The following DSCAML1 variants were observed in gnomAD, a reference collection of about 807,000 sequenced individuals.
DSCAML1 encodes the protein DS cell adhesion molecule like 1, also known as cell adhesion molecule DSCAML1.
A neutral mutation model predicts 200.5 loss-of-function variants in DSCAML1; 38 were observed. The observed-to-expected ratio is 0.19, with a 90% CI of 0.15 to 0.25. The LOEUF is 0.25. Among genes scored for constraint, DSCAML1 ranks in the 10% least tolerant of loss-of-function variants. The pLI is 1.00. For synonymous variants in DSCAML1, 1,215 were observed against 1,165.0 expected, an observed-to-expected ratio of 1.04 and a Z score of -0.87; for missense variants, 2,223 against 2,858.8, an observed-to-expected ratio of 0.78 and a Z score of 5.07.
intron 4 of DSCAML1, among the ~76,000 whole-genome samples, chr11:117,527,540 G>A (rs995438838): frequency 6.6e-6 from 1 of 152,234 alleles, no homozygotes. Flanking sequence ...GTATAGACTT[G>A]TGGAATTATA....
intron 3 of DSCAML1, among the ~76,000 whole-genome samples, chr11:117,601,560 T>C (rs1331900986): frequency 6.6e-6 from 1 of 152,266 alleles, no homozygotes; most frequent in East Asian, 1.9e-4. Context: ...CCGTGTTTTA[T>C]TCCTTTCACT....
intron 3 of DSCAML1, among the ~76,000 whole-genome samples, chr11:117,685,851 G>C (rs966629182): frequency 6.6e-6 from 1 of 152,154 alleles, no homozygotes; most frequent in African/African-American, 2.4e-5. Context: ...GCTAGCAGTG[G>C]TATGATGACT....
intron 3 of DSCAML1, among the ~76,000 whole-genome samples, chr11:117,646,033 G>C (rs1297443438): frequency 6.6e-6 from 1 of 152,138 alleles, no homozygotes; most frequent in African/African-American, 2.4e-5. Context: ...GATATGGTTA[G>C]CTGAATTTTT....
chr11:117,718,177 T>C (rs1432035366), intron 3 of DSCAML1, among the ~76,000 whole-genome samples: 7 of 152,214 alleles, frequency 4.6e-5, no homozygotes, highest in African/African-American at 1.7e-4. Flanking sequence ...CAGTGGGGCA[T>C]TGCCGCGCCG....
At position 117,506,547 on chromosome 11, in the gene DSCAML1, CTTTTT is replaced by C. The variant is rs5795089; in HGVS notation, c.1784-820_1784-816del. On this transcript the variant is annotated intron_variant, in intron 8 of 32. Coordinates refer to ENST00000651296, the MANE Select transcript of DSCAML1 (RefSeq NM_020693.4). ...TGCCCAGACAAGAGACAAGAGATAA[CTTTTT>C]TTTTTTTTTTTTTTTTTTTTTTGAG... Among the ~76,000 whole-genome samples, 689 of 96,846 alleles carry C rather than the reference CTTTTT, an allele frequency of 7.1e-3. 4 individuals carry two copies. Among genetic ancestry groups the C allele is most frequent in the South Asian group, 0.034 (87 of 2,542 alleles). The allele number at this position is 96,846 out of a possible 152,430, so 63.5% of individuals were successfully genotyped here. A position where few individuals can be genotyped will look rare whatever the true frequency, so the allele number is the denominator to read the frequency against.
chr11:117,684,497 C>T (rs1037974270), intron 3 of DSCAML1, among the ~76,000 whole-genome samples: 1 of 144,782 alleles, frequency 6.9e-6, no homozygotes, highest in African/African-American at 2.6e-5. Context: ...GGTGAAGACG[C>T]TAGGATATCA....
intron 3 of DSCAML1, among the ~76,000 whole-genome samples, chr11:117,583,170 A>AG (rs1406516810): frequency 1.3e-5 from 2 of 151,996 alleles, no homozygotes; most frequent in African/African-American, 4.8e-5. Context: ...GGGCCTGGAC[A>AG]GGTCTGGGAC....
At chr11:117,648,128 A>T (rs1485616584) in intron 3 of DSCAML1, among the ~76,000 whole-genome samples, 1 of 152,064 alleles carries the variant, frequency 6.6e-6, no homozygotes, top group African/African-American at 2.4e-5. Flanking sequence ...CCCTTTCTCC[A>T]CCAGCACCAT....
At chr11:117,442,821 G>T (rs1331344546) in intron 21 of DSCAML1, among the ~76,000 whole-genome samples, 1 of 152,148 alleles carries the variant, frequency 6.6e-6, no homozygotes, top group Non-Finnish European at 1.5e-5. Context: ...TGTGGAAAGA[G>T]CCCTGACTTG....
intron 31 of DSCAML1, 125 bp from the exon 32 acceptor site, chr11:117,431,158 G>T: frequency 1.1e-6 from 1 of 944,564 alleles, no homozygotes; most frequent in Non-Finnish European, 1.6e-6. Context: ...GCACCAGGCT[G>T]AGAAGATCCC....
chr11:117,663,900 C>T lies in DSCAML1; in HGVS notation c.511+112891G>A, dbSNP rs1591376023. Reference sequence around the variant, plus strand: ...TACATTATTTATAGCGTGACTGAAACATTTATTCCTCCCCTGCTCTTCCAA... The same window carrying T: ...TACATTATTTATAGCGTGACTGAAATATTTATTCCTCCCCTGCTCTTCCAA... On this transcript the variant is annotated intron_variant, in intron 3 of 32. Coordinates refer to ENST00000651296, the MANE Select transcript of DSCAML1 (RefSeq NM_020693.4). Among the ~76,000 whole-genome samples the T allele has an allele frequency of 2.0e-5, 3 of 152,220 alleles. No homozygotes were observed. The East Asian group carries it at 5.8e-4, about 29-fold the overall frequency.
chr11:117,770,859 G>A (rs2055026021), intron 3 of DSCAML1, among the ~76,000 whole-genome samples: 2 of 152,198 alleles, frequency 1.3e-5, no homozygotes, highest in Non-Finnish European at 2.9e-5. Flanking sequence ...TTTGAAAGAT[G>A]CATAGGCTTC....
rs2055482118 is a variant in DSCAML1, at chr11:117,792,284, C to T, written c.46+4750G>A. Among the ~76,000 whole-genome samples, 3 of 152,268 alleles carry T rather than the reference C, an allele frequency of 2.0e-5. No individual in the cohort carries two copies. The South Asian group carries it at 6.2e-4, about 32-fold the overall frequency. ...AAAATAATCTGGGAAGGCTTTGGAGCTGCACCTGCCATAGTAGTATCCTCT... is the reference window on the plus strand; with the variant it reads ...AAAATAATCTGGGAAGGCTTTGGAGTTGCACCTGCCATAGTAGTATCCTCT... On this transcript the variant is annotated intron_variant, in intron 1 of 32. Coordinates refer to ENST00000651296, the MANE Select transcript of DSCAML1 (RefSeq NM_020693.4).
At chr11:117,531,463 A>G (rs1384165225) in intron 4 of DSCAML1, among the ~76,000 whole-genome samples, 1 of 152,252 alleles carries the variant, frequency 6.6e-6, no homozygotes, top group Non-Finnish European at 1.5e-5. Context: ...CCGAGAAGCT[A>G]TAATCACCCC....
rs180802072 is a variant in DSCAML1, at chr11:117,642,957, C to T, written c.512-110435G>A. Among the ~76,000 whole-genome samples, 236 of 152,254 alleles carry T rather than the reference C, an allele frequency of 1.6e-3. 1 individual carries two copies. The highest frequency in any genetic ancestry group is 1.9e-3 in the South Asian group (9 of 4,818). ...TTTCCCCAACCTTCCTCACCAGAAA[C>T]GCAAAACTCCTTTGATTTGCCTGTA... On this transcript the variant is annotated intron_variant, in intron 3 of 32. Transcript: ENST00000651296. The surrounding 1 kb of genome is among the most constrained non-coding windows in gnomAD (Gnocchi z 4.1).
rs567663048 is a variant in DSCAML1 at position 117,601,343 on chromosome 11, A to G, written c.512-68821T>C. ...ATCACAAAACCAGGGTTTGAAGACC[A>G]CCAGGGTGTGTTGAGGAGGGGACAA... On this transcript the variant is annotated intron_variant, in intron 3 of 32. Coordinates refer to ENST00000651296, the MANE Select transcript of DSCAML1 (RefSeq NM_020693.4). Among the ~76,000 whole-genome samples the G allele has an allele frequency of 2.0e-5, 3 of 152,318 alleles. 1 individual carries two copies. In the South Asian group the frequency reaches 6.2e-4, roughly 32 times the overall value.
In DSCAML1 at chr11:117,444,016, ACTCGT is replaced by A. The variant is rs1218577220; in HGVS notation, c.3727_3731del (p.Thr1243SerfsTer84). ...CGATCCGGTAGAAGAGCTGCTCTGG[ACTCGT>A]CTCGTACTCGCTGGGAGCCTGCGGG... On this transcript the variant is annotated frameshift_variant, in exon 21 of 33. Coordinates refer to ENST00000651296, the MANE Select transcript of DSCAML1 (RefSeq NM_020693.4). LOFTEE classifies it high-confidence loss of function. 6.2e-7 allele frequency: 1 copy of A among 1,613,124 alleles called. No homozygotes were observed. Among genetic ancestry groups the A allele is most frequent in the Non-Finnish European group, 8.5e-7 (1 of 1,179,530 alleles).
intron 3 of DSCAML1, among the ~76,000 whole-genome samples, chr11:117,696,815 T>C (rs943544869): frequency 2.6e-5 from 4 of 152,208 alleles, no homozygotes; most frequent in African/African-American, 9.7e-5. Flanking sequence ...GTGCTCACTA[T>C]TCAGCTCACT....
In DSCAML1 at chr11:117,780,496, C is replaced by T; in HGVS notation, c.361G>A (p.Ala121Thr). Residue 121 changes from alanine to threonine, a missense_variant, in exon 2 of 33, where the codon GCA (alanine) becomes ACA (threonine). Ala to Thr is a moderately conservative substitution (Grantham distance 58). Coordinates refer to ENST00000651296, the MANE Select transcript of DSCAML1 (RefSeq NM_020693.4). The surrounding 1 kb of genome is among the most constrained non-coding windows in gnomAD (Gnocchi z 4.8). ...KIRSPNIRVK[A>T]VFREPYTVRV... is the part of the protein sequence containing the mutation. The stretch of plus-strand genomic sequence containing the variant: ...CAGCCAGTGTCTTGTCCCTTACCTG[C>T]TTTGACGCGGATGTTGGGGCTCCGG... 6.9e-7 allele frequency: 1 copy of T among 1,450,738 alleles called. No individual in the cohort carries two copies. Among genetic ancestry groups the T allele is most frequent in the South Asian group, 1.6e-5 (1 of 63,694 alleles). 89.9% of individuals were successfully genotyped at this position (1,450,738 alleles called of 1,614,324 possible). A position where few individuals can be genotyped will look rare whatever the true frequency, so the allele number is the denominator to read the frequency against.
Sources: gnomAD v4.1 joint callset for allele counts (sites outside exome capture counted in the v4.1 genomes callset) on GRCh38, gnomAD v4.1.1 for gene constraint, Gnocchi (gnomAD v3.1) non-coding constraint, MANE v1.5 for transcripts, NCBI Gene and HGNC (gene_info 2026-07-23, HGNC 2026-07-21) for gene names.